The following IRAK1BP1 variants were observed in gnomAD, a reference collection of about 807,000 sequenced individuals.
The protein encoded by IRAK1BP1 is interleukin-1 receptor-associated kinase 1-binding protein 1.
Under a neutral mutation model 28.0 loss-of-function variants are expected in IRAK1BP1, and 24 were observed. The ratio of observed to expected loss-of-function variants is 0.86; its 90% CI spans 0.62 to 1.20. The LOEUF (loss-of-function observed/expected upper bound fraction) is 1.20. Ranked by LOEUF, IRAK1BP1 falls within the 50% of genes most tolerant of loss-of-function variation. IRAK1BP1 has a pLI of 0.00. For missense variants in IRAK1BP1, 336 were observed against 316.7 expected (o/e 1.06, Z -0.46); for synonymous variants, 131 against 116.3 (o/e 1.13, Z -0.81).
chr6:78,969,170 C>G, the IRAK1BP1 span, among the ~76,000 whole-genome samples: 1 of 152,150 alleles, frequency 6.6e-6, no homozygotes, highest in East Asian at 1.9e-4. Context: ...TTTCTCCTTA[C>G]AGAGCACATA....
At chr6:78,909,379 T>TTA (rs1420175273) in intron 4 of IRAK1BP1, among the ~76,000 whole-genome samples, 4 of 152,232 alleles carry the variant, frequency 2.6e-5, no homozygotes, top group Non-Finnish European at 4.4e-5. Flanking sequence ...GGCCTGAAGC[T>TTA]TAGCACAGCC....
At chr6:78,944,502 G>C (rs1028532434) in intron 4 of IRAK1BP1, among the ~76,000 whole-genome samples, 1 of 152,142 alleles carries the variant, frequency 6.6e-6, no homozygotes, top group African/African-American at 2.4e-5. Context: ...ATGGAGGTGA[G>C]AATGGAGAGG....
chr6:78,893,643 C>T (rs1449368334), intron 2 of IRAK1BP1, among the ~76,000 whole-genome samples: 1 of 152,064 alleles, frequency 6.6e-6, no homozygotes, highest in Non-Finnish European at 1.5e-5. Flanking sequence ...CAGTGGCTCA[C>T]ACCTGTAATC....
chr6:78,891,784 G>A (rs997530148), intron 2 of IRAK1BP1, among the ~76,000 whole-genome samples: 11 of 152,068 alleles, frequency 7.2e-5, no homozygotes, highest in Middle Eastern at 6.8e-3. Flanking sequence ...TTAATCCTGG[G>A]GTATAATAGG....
the IRAK1BP1 span, among the ~76,000 whole-genome samples, chr6:78,954,365 C>CA: frequency 6.6e-6 from 1 of 152,110 alleles, no homozygotes; most frequent in Non-Finnish European, 1.5e-5. Context: ...CTCGGCCTCC[C>CA]AAAGTGCTGG....
intron 4 of IRAK1BP1, among the ~76,000 whole-genome samples, chr6:78,909,784 A>C (rs1472501858): frequency 1.3e-5 from 2 of 152,222 alleles, no homozygotes; most frequent in Non-Finnish European, 2.9e-5. Flanking sequence ...AAATCAACAA[A>C]TATTTATAGC....
At chr6:78,873,540 A>G (rs1489096690) in intron 1 of IRAK1BP1, among the ~76,000 whole-genome samples, 1 of 151,822 alleles carries the variant, frequency 6.6e-6, no homozygotes, top group Non-Finnish European at 1.5e-5. Flanking sequence ...TAGGGTGATT[A>G]CTATCATTGT....
chr6:78,922,113 A>G (rs1003448822), intron 4 of IRAK1BP1, among the ~76,000 whole-genome samples: 1 of 152,342 alleles, frequency 6.6e-6, no homozygotes, highest in Non-Finnish European at 1.5e-5. Context: ...GCTTCAGATG[A>G]TCAAATTACT....
chr6:78,926,216 G>A (rs1345435478), intron 4 of IRAK1BP1, among the ~76,000 whole-genome samples: 4 of 152,114 alleles, frequency 2.6e-5, no homozygotes, highest in Non-Finnish European at 5.9e-5. Context: ...CTTATACACC[G>A]TTTGCAGGAA....
chr6:78,954,889 T>C, the IRAK1BP1 span: 1 of 1,586,706 alleles, frequency 6.3e-7, no homozygotes, highest in Non-Finnish European at 8.6e-7. Flanking sequence ...TTAACAATTC[T>C]TCACACTGTT....
chr6:78,886,976 T>A (rs1034332630), intron 2 of IRAK1BP1, among the ~76,000 whole-genome samples: 1 of 152,226 alleles, frequency 6.6e-6, no homozygotes, highest in Non-Finnish European at 1.5e-5. Context: ...TGATTGCCTT[T>A]AGGTCAGCAC....
chr6:78,966,134 A>G, the IRAK1BP1 span: 3 of 867,160 alleles, frequency 3.5e-6, no homozygotes, highest in African/African-American at 4.9e-5. Context: ...GTTAACCTTT[A>G]AGTACCTAAA....
In IRAK1BP1 at chr6:78,871,862, C is replaced by T. The variant is rs576783847; in HGVS notation, c.315+3971C>T. 37 of 494,584 alleles carry T rather than the reference C, an allele frequency of 7.5e-5. No individual in the cohort carries two copies. The East Asian group carries it at 9.1e-4, about 12-fold the overall frequency. The allele number at this position is 494,584 out of a possible 1,614,324, so 30.6% of individuals were successfully genotyped here. A position where few individuals can be genotyped will look rare whatever the true frequency, so the allele number is the denominator to read the frequency against. On this transcript the variant is annotated intron_variant, in intron 1 of 3. Coordinates refer to ENST00000369940, the MANE Select transcript of IRAK1BP1 (RefSeq NM_001010844.4). ...GTCACTGATGCTATTGATACCACTACTTGTATCCTTTGGCACTTCACATTT... is the reference window on the plus strand; with the variant it reads ...GTCACTGATGCTATTGATACCACTATTTGTATCCTTTGGCACTTCACATTT...
At chr6:78,972,178 T>C in the IRAK1BP1 span, among the ~76,000 whole-genome samples, 2 of 152,180 alleles carry the variant, frequency 1.3e-5, no homozygotes, top group African/African-American at 4.8e-5. Flanking sequence ...CAGCTGGAGA[T>C]ATGAGAACGG....
the IRAK1BP1 span, chr6:78,963,371 A>G: frequency 1.5e-6 from 1 of 682,056 alleles, no homozygotes; most frequent in South Asian, 2.4e-5. Context: ...ATTTGTAAAT[A>G]TACTCTTTAT....
At chr6:78,874,563 C>T (rs1263173083) in intron 1 of IRAK1BP1, among the ~76,000 whole-genome samples, 1 of 152,116 alleles carries the variant, frequency 6.6e-6, no homozygotes, top group African/African-American at 2.4e-5. Context: ...GGCAAGTTCT[C>T]CCCTCATTAC....
the IRAK1BP1 span, among the ~76,000 whole-genome samples, chr6:78,967,979 A>C: frequency 6.8e-6 from 1 of 147,504 alleles, no homozygotes; most frequent in African/African-American, 2.5e-5. Context: ...CTAAAAATAC[A>C]AAAAAAAAAT....
intron 4 of IRAK1BP1, among the ~76,000 whole-genome samples, chr6:78,912,907 C>A (rs968782248): frequency 6.6e-6 from 1 of 152,036 alleles, no homozygotes; most frequent in Non-Finnish European, 1.5e-5. Context: ...ACAATATCTG[C>A]AATTTATTAA....
the IRAK1BP1 span, chr6:78,958,646 AAT>A: frequency 1.7e-6 from 2 of 1,153,206 alleles, no homozygotes; most frequent in Admixed American, 3.8e-5. Flanking sequence ...TATATTTAGA[AAT>A]ATGTGTACAT....
Sources: gnomAD v4.1 joint callset for allele counts (sites outside exome capture counted in the v4.1 genomes callset) on GRCh38, gnomAD v4.1.1 for gene constraint, MANE v1.5 for transcripts, NCBI Gene and HGNC (gene_info 2026-07-23, HGNC 2026-07-21) for gene names.